CFAP74: variants seen among roughly 807,000 people sequenced by gnomAD.
CFAP74 encodes the protein cilia- and flagella-associated protein 74.
In CFAP74, 124 loss-of-function variants were observed where a neutral mutation model predicts 188.9. The observed-to-expected ratio is 0.66, with a 90% CI of 0.57 to 0.76. The LOEUF is 0.76. Among genes scored for constraint, CFAP74 ranks in the 30% least tolerant of loss-of-function variants. The pLI is 0.00. For missense variants in CFAP74, 2,198 were observed against 2,165.2 expected, an observed-to-expected ratio of 1.02 and a Z score of -0.30; for synonymous variants, 956 against 916.7, an observed-to-expected ratio of 1.04 and a Z score of -0.77.
intron 18 of CFAP74, among the ~76,000 whole-genome samples, chr1:1,947,318 T>G (rs1653841484): frequency 6.6e-6 from 1 of 152,238 alleles, no homozygotes; most frequent in Admixed American, 6.5e-5. Flanking sequence ...GCGAGGGTAT[T>G]AGAGGCTGGA....
At chr1:1,972,791 G>C in intron 8 of CFAP74, 146 bp downstream of exon 8, 1 of 670,188 alleles carries the variant, frequency 1.5e-6, no homozygotes, top group East Asian at 2.8e-5. Flanking sequence ...GCAGTGAGCC[G>C]AGATCGCGCC....
intron 23 of CFAP74, 135 bp from the exon 24 acceptor site, chr1:1,939,902 C>T (rs1653245491): frequency 2.3e-6 from 2 of 873,462 alleles, no homozygotes; most frequent in Non-Finnish European, 3.5e-6. Flanking sequence ...GAGGCCGTCT[C>T]TTCATAAAAC....
Position 1,924,371 on chromosome 1 carries a change from ACCCCCCAC to A in CFAP74, c.4234+12_4234+19del. The A allele has an allele frequency of 2.0e-5, 1 of 50,534 alleles. No homozygotes were observed. Among genetic ancestry groups the A allele is most frequent in the Non-Finnish European group, 3.9e-5 (1 of 25,662 alleles). The allele number at this position is 50,534 out of a possible 1,614,324, so 3.1% of individuals were successfully genotyped here. A position where few individuals can be genotyped will look rare whatever the true frequency, so the allele number is the denominator to read the frequency against. ...CGCCCACCCCCGCAGCTCACCACCC[ACCCCCCAC>A]CCCCCGCTCACCGACCACCTCCGTC... On this transcript the variant is annotated intron_variant, in intron 34 of 38. Coordinates refer to ENST00000682832, the MANE Select transcript of CFAP74 (RefSeq NM_001304360.2).
intron 11 of CFAP74, among the ~76,000 whole-genome samples, 188 bp from the exon 12 acceptor site, chr1:1,966,714 A>G (rs1239818682): frequency 6.6e-6 from 1 of 152,222 alleles, no homozygotes; most frequent in East Asian, 1.9e-4. Context: ...GTATTTTAAT[A>G]CATTATTAAA....
At chr1:1,991,934 G>A (rs1289718243) in intron 1 of CFAP74, among the ~76,000 whole-genome samples, 1 of 151,778 alleles carries the variant, frequency 6.6e-6, no homozygotes, top group Non-Finnish European at 1.5e-5. Context: ...CAGCTACTCG[G>A]GAGGCTGAGG....
intron 6 of CFAP74, among the ~76,000 whole-genome samples, chr1:1,974,980 C>T (rs370434208): frequency 3.7e-4 from 56 of 152,362 alleles, no homozygotes; most frequent in African/African-American, 1.2e-3. Context: ...AGACTGCGAA[C>T]GGTTCCACCC....
At chr1:1,992,549 C>T (rs1487396618) in intron 1 of CFAP74, among the ~76,000 whole-genome samples, 2 of 151,804 alleles carry the variant, frequency 1.3e-5, no homozygotes, top group Non-Finnish European at 2.9e-5. Context: ...TCTTGGCTCA[C>T]TGCAAGCTCT....
chr1:1,974,087 C>A lies in CFAP74; in HGVS notation c.612G>T (p.Glu204Asp), dbSNP rs200214481. 3.8e-3 allele frequency: 6,101 copies of A among 1,612,130 alleles called. 8 individuals carry two copies. The highest frequency in any genetic ancestry group is 4.7e-3 in the Non-Finnish European group (5,580 of 1,179,026). ...TGRRLQVRAA[E>D]QLCREQEALG... Reference sequence around the variant, plus strand: ...GGGCCTCCTGCTCTCTGCAGAGCTGCTCGGCTGCGCGCACCTGGAGCCGCC... The same window carrying A: ...GGGCCTCCTGCTCTCTGCAGAGCTGATCGGCTGCGCGCACCTGGAGCCGCC... The change falls in exon 7 of 39, where the codon GAG (glutamate) becomes GAT (aspartate). Residue 204 changes from glutamate (E) to aspartate (D), a missense_variant. By Grantham distance (45) the Glu-to-Asp change is conservative. Transcript: ENST00000682832.
chr1:1,951,997 C>T (rs536065472), intron 18 of CFAP74, among the ~76,000 whole-genome samples: 12 of 152,314 alleles, frequency 7.9e-5, no homozygotes, highest in African/African-American at 2.2e-4. Flanking sequence ...TGGCTCAGCA[C>T]GCAGGGAATT....
intron 23 of CFAP74, among the ~76,000 whole-genome samples, 165 bp from the exon 24 acceptor site, chr1:1,939,932 C>T (rs948732708): frequency 4.6e-5 from 7 of 152,244 alleles, no homozygotes; most frequent in African/African-American, 1.7e-4. Context: ...TGTGACTGCT[C>T]CCTGACATGG....
intron 26 of CFAP74, 148 bp downstream of exon 26, chr1:1,929,912 C>T (rs1652225827): frequency 4.3e-6 from 4 of 935,994 alleles, no homozygotes; most frequent in Non-Finnish European, 4.6e-6. Context: ...CTCGGCCCTG[C>T]TCGGGTCTGA....
intron 25 of CFAP74, 89 bp from the exon 26 acceptor site, chr1:1,930,425 GC>G: frequency 7.7e-7 from 1 of 1,306,424 alleles, no homozygotes; most frequent in Non-Finnish European, 1.0e-6. Flanking sequence ...TGGAGGACAA[GC>G]CCCGGGGGGG....
chr1:1,923,062 T>C lies in CFAP74; in HGVS notation c.4606A>G (p.Thr1536Ala), dbSNP rs1486298938. ...GTGGCAGGTGGGGCTGGCGTGTCTG[T>C]GTCAAACTGGATGTAGTCCAGGGTC... The part of the protein sequence containing the change: ...LVTLDYIQFD[T>A]DTPAPPATRE... Residue 1536 changes from threonine (T) to alanine (A), a missense_variant, in exon 37 of 39, where the codon ACA becomes GCA. Transcript: ENST00000682832. This position sits in a 1 kb window ranked among gnomAD's most constrained non-coding sequence, Gnocchi z 6.3. 5 of 1,609,622 alleles carry C rather than the reference T, an allele frequency of 3.1e-6. No individual in the cohort carries two copies. In the South Asian group the frequency reaches 4.4e-5, roughly 14 times the overall value.
chr1:2,000,136 C>T (rs546986051), intron 1 of CFAP74, among the ~76,000 whole-genome samples: 2 of 152,196 alleles, frequency 1.3e-5, no homozygotes, highest in South Asian at 4.1e-4. Flanking sequence ...TGCACTCCAG[C>T]CTGGGCGACA....
chr1:1,988,968 CTCTT>C lies in CFAP74; in HGVS notation c.69_72del (p.Arg24MetfsTer3). 4 of 1,520,072 alleles carry C rather than the reference CTCTT, an allele frequency of 2.6e-6. No homozygotes were observed. The highest frequency in any genetic ancestry group is 2.8e-5 in the African/African-American group (2 of 71,952). The allele number at this position is 1,520,072 out of a possible 1,614,324, so 94.2% of individuals were successfully genotyped here. On this transcript the variant is annotated frameshift_variant and splice_region_variant, in exon 3 of 39. Coordinates refer to ENST00000682832, the MANE Select transcript of CFAP74 (RefSeq NM_001304360.2). LOFTEE classifies it high-confidence loss of function. ...TCAAACTCCGGATCCTCTAATTCATCTCTTTCTAGAAATCAAGGCAAGAGTTTAA... is the reference window on the plus strand; with the variant it reads ...TCAAACTCCGGATCCTCTAATTCATCTCTAGAAATCAAGGCAAGAGTTTAA...
At chr1:1,961,141 C>G (rs1030437275) in intron 14 of CFAP74, among the ~76,000 whole-genome samples, 1 of 151,910 alleles carries the variant, frequency 6.6e-6, no homozygotes, top group Non-Finnish European at 1.5e-5. Context: ...CCACCCAATG[C>G]GAAAAAGAGA....
intron 25 of CFAP74, among the ~76,000 whole-genome samples, chr1:1,932,059 C>G (rs1361418555): frequency 8.9e-6 from 1 of 111,930 alleles, no homozygotes; most frequent in Non-Finnish European, 1.7e-5. Flanking sequence ...GAGTGAGACT[C>G]TCGCCTCAAA....
intron 9 of CFAP74, 133 bp from the exon 10 acceptor site, chr1:1,970,949 G>GCACATGCACACATCA (rs929863587): frequency 9.4e-7 from 1 of 1,060,956 alleles, no homozygotes; most frequent in Non-Finnish European, 1.4e-6. Context: ...ATGCACACCT[G>GCACATGCACACATCA]CACATGCACA....
At chr1:1,925,169 C>T (rs1214837805) in intron 33 of CFAP74, among the ~76,000 whole-genome samples, 2 of 143,648 alleles carry the variant, frequency 1.4e-5, no homozygotes, top group African/African-American at 2.7e-5. Context: ...CATGAGGGCA[C>T]GCAGGGCAGG....
Sources: gnomAD v4.1 joint callset for allele counts (sites outside exome capture counted in the v4.1 genomes callset) on GRCh38, gnomAD v4.1.1 for gene constraint, Gnocchi (gnomAD v3.1) non-coding constraint, MANE v1.5 for transcripts, NCBI Gene and HGNC (gene_info 2026-07-23, HGNC 2026-07-21) for gene names.